The following ZNF26 variants were observed in gnomAD, a reference collection of about 807,000 sequenced individuals.
ZNF26 encodes zinc finger protein 26.
ZNF26 carries 32 observed loss-of-function variants against 54.9 expected under a neutral mutation model. That is an observed-to-expected ratio of 0.58 (90% CI 0.44 to 0.78). The LOEUF is 0.78. Among genes scored for constraint, ZNF26 ranks in the 30% least tolerant of loss-of-function variants. ZNF26 has a pLI of 0.00. For missense variants in ZNF26, 524 were observed against 634.0 expected, an observed-to-expected ratio of 0.83 and a Z score of 1.86; for synonymous variants, 221 against 209.2, an observed-to-expected ratio of 1.06 and a Z score of -0.49.
intron 1 of ZNF26, 176 bp from the exon 2 acceptor site, chr12:133,006,866 G>A (rs1440219930): frequency 1.4e-5 from 11 of 792,594 alleles, no homozygotes; most frequent in Non-Finnish European, 2.2e-5. Flanking sequence ...GTGCTGGCGT[G>A]AGCCACCGTG....
At chr12:132,996,696 T>C (rs1219521469) in intron 1 of ZNF26, among the ~76,000 whole-genome samples, 1 of 152,216 alleles carries the variant, frequency 6.6e-6, no homozygotes. Flanking sequence ...TATTTTATCA[T>C]GTGTATTTTT....
chr12:133,006,927 C>T, intron 1 of ZNF26, 115 bp from the exon 2 acceptor site: 1 of 1,303,092 alleles, frequency 7.7e-7, no homozygotes, highest in Non-Finnish European at 1.1e-6. Flanking sequence ...AAATGCTGAA[C>T]CAGCCACAGG....
intron 3 of ZNF26, among the ~76,000 whole-genome samples, chr12:133,008,730 C>T (rs1037103629): frequency 1.5e-4 from 21 of 141,764 alleles, no homozygotes; most frequent in Non-Finnish European, 2.2e-4. Context: ...GAGCCGAGAT[C>T]GTGCCACTGC....
rs1953546155 is a variant in ZNF26, at chr12:133,014,938, T to G, written c.*3457T>G. 1 of 152,180 alleles carries G rather than the reference T, an allele frequency of 6.6e-6. No individual in the cohort carries two copies. The highest frequency in any genetic ancestry group is 1.5e-5 in the Non-Finnish European group (1 of 68,034). 9.4% of individuals were successfully genotyped at this position (152,180 alleles called of 1,614,324 possible). ...AAGGGGAAGAACAAAAGTCAGGAACTTTGCCATAATCTAGAAGAAAGAATG... is the reference window on the plus strand; with the variant it reads ...AAGGGGAAGAACAAAAGTCAGGAACGTTGCCATAATCTAGAAGAAAGAATG... On this transcript the variant is annotated 3_prime_UTR_variant, in exon 4 of 4. Transcript: ENST00000328654.
Position 132,986,669 on chromosome 12 carries a change from G to C in ZNF26, c.-172G>C. On this transcript the variant is annotated 5_prime_UTR_variant, in exon 1 of 4. Transcript: ENST00000328654. ...GAGGTTGTCTAGTCACGCGCGGTCT[G>C]TGTTGGGCGAGAGCTGAGGAGCCGG... is the stretch of plus-strand genomic sequence containing the variant. 1.5e-6 allele frequency: 1 copy of C among 648,388 alleles called. No individual in the cohort carries two copies. Among genetic ancestry groups the C allele is most frequent in the Non-Finnish European group, 2.7e-6 (1 of 375,342 alleles). 40.2% of individuals were successfully genotyped at this position (648,388 alleles called of 1,614,324 possible). A position where few individuals can be genotyped will look rare whatever the true frequency, so the allele number is the denominator to read the frequency against.
At chr12:132,997,885 G>A (rs1953124343) in intron 1 of ZNF26, among the ~76,000 whole-genome samples, 2 of 152,264 alleles carry the variant, frequency 1.3e-5, no homozygotes, top group Admixed American at 6.5e-5. Context: ...TGAAGAAAAC[G>A]AAAACCTGGT....
intron 1 of ZNF26, among the ~76,000 whole-genome samples, chr12:132,996,882 T>C (rs1291322921): frequency 5.4e-5 from 8 of 148,256 alleles, no homozygotes; most frequent in African/African-American, 1.9e-4. Flanking sequence ...TTCTTACTGG[T>C]TCTCATGGTT....
rs1953672226 is a variant in ZNF26 at position 133,023,907 on chromosome 12, CCA to C, written c.*12429_*12430del. 2 of 152,166 alleles carry C rather than the reference CCA, an allele frequency of 1.3e-5. No homozygotes were observed. The highest frequency in any genetic ancestry group is 4.8e-5 in the African/African-American group (2 of 41,422). The allele number at this position is 152,166 out of a possible 1,614,324, so 9.4% of individuals were successfully genotyped here. A position where few individuals can be genotyped will look rare whatever the true frequency, so the allele number is the denominator to read the frequency against. On this transcript the variant is annotated 3_prime_UTR_variant, in exon 4 of 4. Coordinates refer to ENST00000328654, the MANE Select transcript of ZNF26 (RefSeq NM_019591.4). ...ATCTCAAATAATCCATATAGAGAAA[CCA>C]CATAGAGAGGCTCTGAGATTACATA...
rs1397255976 is a variant in ZNF26, at chr12:133,014,275, C to A, written c.*2794C>A. ...ACAAAAGTTTCTTAAAAGCTGGTTA[C>A]AGCGGTGCACACCTGCAATCCCAGC... On this transcript the variant is annotated 3_prime_UTR_variant, in exon 4 of 4. Transcript: ENST00000328654. The A allele has an allele frequency of 6.6e-6, 1 of 152,264 alleles. No homozygotes were observed. Among genetic ancestry groups the A allele is most frequent in the Non-Finnish European group, 1.5e-5 (1 of 68,136 alleles). The allele number at this position is 152,264 out of a possible 1,614,324, so 9.4% of individuals were successfully genotyped here. A position where few individuals can be genotyped will look rare whatever the true frequency, so the allele number is the denominator to read the frequency against.
intron 1 of ZNF26, among the ~76,000 whole-genome samples, chr12:132,988,404 T>TA (rs748712262): frequency 5.2e-4 from 78 of 149,132 alleles, no homozygotes; most frequent in Admixed American, 1.3e-3. Flanking sequence ...TCAGGCTAAT[T>TA]AAAAATTTTT....
At chr12:133,007,742 A>G (rs1440970636) in intron 3 of ZNF26, among the ~76,000 whole-genome samples, 5 of 152,280 alleles carry the variant, frequency 3.3e-5, no homozygotes, top group Non-Finnish European at 5.9e-5. Context: ...TACTGTTGAG[A>G]GGCAGGCATG....
chr12:133,009,124 A>T (rs954193412), intron 3 of ZNF26, among the ~76,000 whole-genome samples: 17 of 152,338 alleles, frequency 1.1e-4, no homozygotes, highest in Middle Eastern at 3.4e-3. Context: ...TTCTAATTCA[A>T]CATGAGACTT....
chr12:132,991,444 G>C (rs1952952824), intron 1 of ZNF26, among the ~76,000 whole-genome samples: 1 of 151,684 alleles, frequency 6.6e-6, no homozygotes, highest in African/African-American at 2.4e-5. Context: ...GTTGCAGTAA[G>C]CCAAGATCGT....
In ZNF26 at chr12:133,016,797, T is replaced by G. The variant is rs1434002532; in HGVS notation, c.*5316T>G. 1 of 151,872 alleles carries G rather than the reference T, an allele frequency of 6.6e-6. No individual in the cohort carries two copies. The highest frequency in any genetic ancestry group is 1.5e-5 in the Non-Finnish European group (1 of 68,308). The allele number at this position is 151,872 out of a possible 1,614,324, so 9.4% of individuals were successfully genotyped here. ...CCTTGACTCAAAAAAAAAAAAAAAT[T>G]CTACTCTCTTGGTATTTGTAATATG... On this transcript the variant is annotated 3_prime_UTR_variant, in exon 4 of 4. Transcript: ENST00000328654.
Position 133,010,132 on chromosome 12 carries a change from G to T in ZNF26, c.257-4G>T. 3 of 1,573,992 alleles carry T rather than the reference G, an allele frequency of 1.9e-6. No individual in the cohort carries two copies. Among genetic ancestry groups the T allele is most frequent in the South Asian group, 1.2e-5 (1 of 84,616 alleles). On this transcript the variant is annotated splice_polypyrimidine_tract_variant and splice_region_variant and intron_variant, in intron 3 of 3. Transcript: ENST00000328654. The stretch of plus-strand genomic sequence containing the variant: ...AAAGTTATATTTTGTTTGTTTTTTT[G>T]TAGATGGCTGGGAAGAATGGTACCA...
intron 1 of ZNF26, chr12:133,006,759 T>G: frequency 3.4e-6 from 1 of 296,026 alleles, no homozygotes; most frequent in Non-Finnish European, 6.5e-6. Context: ...TGCGCCCAGC[T>G]AATTTTTGTA....
At position 133,010,649 on chromosome 12, in the gene ZNF26, C is replaced by G; in HGVS notation, c.770C>G (p.Pro257Arg). Residue 257 changes from proline (P) to arginine (R), a missense_variant, in exon 4 of 4, where the codon CCC becomes CGC. Pro to Arg is a moderately radical substitution (Grantham distance 103, BLOSUM62 -2). Coordinates refer to ENST00000328654, the MANE Select transcript of ZNF26 (RefSeq NM_019591.4). ...VHQEIHTGGK[P>R]YGCSECGKAY... is the part of the protein sequence containing the mutation. Reference sequence around the variant, plus strand: ...CAGGAAATTCACACAGGAGGGAAACCCTATGGCTGCAGTGAATGTGGGAAA... The same window carrying G: ...CAGGAAATTCACACAGGAGGGAAACGCTATGGCTGCAGTGAATGTGGGAAA... The G allele has an allele frequency of 6.2e-7, 1 of 1,613,906 alleles. No individual in the cohort carries two copies. The highest frequency in any genetic ancestry group is 1.1e-5 in the South Asian group (1 of 91,072).
intron 1 of ZNF26, among the ~76,000 whole-genome samples, chr12:132,993,027 C>CTTTTTTTTTTTTTT (rs71079156): frequency 2.3e-5 from 3 of 129,440 alleles, no homozygotes; most frequent in Non-Finnish European, 3.2e-5. Flanking sequence ...ACTAGTATTT[C>CTTTTTTTTTTTTTT]TTTTTTTTTT....
At chr12:132,999,712 A>AG (rs1466141831) in intron 1 of ZNF26, among the ~76,000 whole-genome samples, 1 of 151,672 alleles carries the variant, frequency 6.6e-6, no homozygotes, top group African/African-American at 2.4e-5. Flanking sequence ...TTTTTTTTTG[A>AG]GGGGGAGTCT....
Sources: gnomAD v4.1 joint callset for allele counts (sites outside exome capture counted in the v4.1 genomes callset) on GRCh38, gnomAD v4.1.1 for gene constraint, MANE v1.5 for transcripts, NCBI Gene and HGNC (gene_info 2026-07-23, HGNC 2026-07-21) for gene names.